The following CD109 variants were observed in gnomAD, a reference collection of about 807,000 sequenced individuals.
The protein encoded by CD109 is CD109 antigen.
A neutral mutation model predicts 165.8 loss-of-function variants in CD109; 149 were observed. The observed-to-expected ratio is 0.90, with a 90% confidence interval of 0.79 to 1.03. The LOEUF is 1.03. CD109 is among the 50% of genes least tolerant of loss of function. CD109 has a pLI of 0.00. For missense variants in CD109, 1,712 were observed against 1,677.8 expected (o/e 1.02, Z -0.36); for synonymous variants, 585 against 592.1 (o/e 0.99, Z 0.18).
chr6:73,683,769 G>A, the CD109 span, among the ~76,000 whole-genome samples: 1 of 152,222 alleles, frequency 6.6e-6, no homozygotes, highest in South Asian at 2.1e-4. Context: ...GCAAGGAGGA[G>A]CAAGTCACAT....
chr6:73,705,250 T>G (rs998626681), intron 2 of CD109, among the ~76,000 whole-genome samples: 1 of 152,172 alleles, frequency 6.6e-6, no homozygotes, highest in Non-Finnish European at 1.5e-5. Flanking sequence ...GACAATATTT[T>G]GAAGTCCTGG....
chr6:73,752,628 G>A (rs1384629485), intron 5 of CD109, among the ~76,000 whole-genome samples: 1 of 152,182 alleles, frequency 6.6e-6, no homozygotes, highest in Non-Finnish European at 1.5e-5. Flanking sequence ...GTTTCTACTG[G>A]ATGTGCTTTG....
At chr6:73,802,340 G>A (rs1458080152) in intron 23 of CD109, among the ~76,000 whole-genome samples, 2 of 130,924 alleles carry the variant, frequency 1.5e-5, no homozygotes, top group African/African-American at 5.8e-5. Flanking sequence ...GTGGAAACAT[G>A]GAATTGGTGG....
intron 10 of CD109, among the ~76,000 whole-genome samples, chr6:73,764,918 C>T (rs1468968887): frequency 6.6e-6 from 1 of 151,402 alleles, no homozygotes; most frequent in East Asian, 1.9e-4. Context: ...TTTCAATGAT[C>T]TTAATTTAGG....
chr6:73,730,587 C>A lies in CD109; in HGVS notation c.507+13C>A. The A allele has an allele frequency of 6.5e-7, 1 of 1,547,708 alleles. No individual in the cohort carries two copies. Among genetic ancestry groups the A allele is most frequent in the Non-Finnish European group, 8.9e-7 (1 of 1,123,000 alleles). On this transcript the variant is annotated intron_variant, in intron 4 of 32. Transcript: ENST00000287097. ...CATTCTCATTAAGGTAAGTGCCAGACAGAAATGAAGCAAGGAATTCTAGCC... is the reference window on the plus strand; with the variant it reads ...CATTCTCATTAAGGTAAGTGCCAGAAAGAAATGAAGCAAGGAATTCTAGCC...
chr6:73,696,063 A>C (rs754263417), upstream of CD109: 3 of 673,246 alleles, frequency 4.5e-6, no homozygotes, highest in Non-Finnish European at 7.7e-6. Context: ...GTCTCAATTT[A>C]GATCTCTCAC....
chr6:73,771,654 A>T, intron 15 of CD109, 73 bp downstream of exon 15: 1 of 1,046,910 alleles, frequency 9.6e-7, no homozygotes, highest in Non-Finnish European at 1.3e-6. Flanking sequence ...GTACTACTTT[A>T]AATATTTAAA....
the CD109 span, among the ~76,000 whole-genome samples, chr6:73,690,721 T>C: frequency 6.6e-6 from 1 of 152,176 alleles, no homozygotes; most frequent in East Asian, 1.9e-4. Flanking sequence ...ACATTTTATT[T>C]AAAAAAGGTT....
intron 3 of CD109, among the ~76,000 whole-genome samples, chr6:73,728,551 A>C (rs1051554728): frequency 6.6e-6 from 1 of 152,190 alleles, no homozygotes; most frequent in African/African-American, 2.4e-5. Context: ...CCATCTTTCT[A>C]TCCATCCATT....
In CD109 at chr6:73,826,926, C is replaced by G. The variant is rs1398951857; in HGVS notation, c.*3293C>G. ...TATGCTAAACATATTTATAAGTAGT[C>G]TGTCAATATAATACCAACTATTTTT... On this transcript the variant is annotated 3_prime_UTR_variant, in exon 33 of 33. Transcript: ENST00000287097. The G allele has an allele frequency of 6.7e-6, 1 of 149,958 alleles. No homozygotes were observed. The highest frequency in any genetic ancestry group is 2.5e-5 in the African/African-American group (1 of 40,624). 9.3% of individuals were successfully genotyped at this position (149,958 alleles called of 1,614,324 possible). A position where few individuals can be genotyped will look rare whatever the true frequency, so the allele number is the denominator to read the frequency against.
intron 5 of CD109, among the ~76,000 whole-genome samples, chr6:73,742,059 A>G (rs1772806286): frequency 6.6e-6 from 1 of 152,202 alleles, no homozygotes; most frequent in Admixed American, 6.5e-5. Context: ...TTAAGTGTAC[A>G]GTTCAGTGGT....
intron 3 of CD109, among the ~76,000 whole-genome samples, chr6:73,727,639 T>C (rs1772191517): frequency 6.6e-6 from 1 of 152,206 alleles, no homozygotes; most frequent in African/African-American, 2.4e-5. Flanking sequence ...TTGTGGTTAA[T>C]AGGCTTCTTT....
intron 9 of CD109, among the ~76,000 whole-genome samples, chr6:73,763,211 G>C (rs545189531): frequency 6.6e-6 from 1 of 152,084 alleles, no homozygotes; most frequent in Non-Finnish European, 1.5e-5. Flanking sequence ...AATCTCAGCT[G>C]TTCCTAGACA....
chr6:73,729,877 A>T (rs1426994870), intron 3 of CD109, among the ~76,000 whole-genome samples: 25 of 152,140 alleles, frequency 1.6e-4, no homozygotes, highest in Admixed American at 1.6e-3. Flanking sequence ...CAAGACTATG[A>T]CACATATGCG....
chr6:73,767,012 T>C lies in CD109; in HGVS notation c.1497+2T>C. 2 of 1,608,902 alleles carry C rather than the reference T, an allele frequency of 1.2e-6. No homozygotes were observed. Among genetic ancestry groups the C allele is most frequent in the Non-Finnish European group, 1.7e-6 (2 of 1,175,758 alleles). On this transcript the variant is annotated splice_donor_variant, in intron 13 of 32. Coordinates refer to ENST00000287097, the MANE Select transcript of CD109 (RefSeq NM_133493.5). LOFTEE classifies it high-confidence loss of function. ...CGATTGAAGGAGTTAAGCTATATGG[T>C]AATCTCTTATAGAATCTAAATTTAT...
intron 17 of CD109, among the ~76,000 whole-genome samples, chr6:73,781,836 C>CACACACACACACACACACACACACACA (rs386359122): frequency 1.1e-3 from 67 of 62,154 alleles, no homozygotes; most frequent in East Asian, 0.01. Flanking sequence ...CACACACACA[C>CACACACACACACACACACACACACACA]CCCTCATCAA....
chr6:73,787,093 C>T (rs1774725580), intron 20 of CD109, 141 bp from the exon 21 acceptor site: 4 of 599,500 alleles, frequency 6.7e-6, no homozygotes, highest in Non-Finnish European at 1.2e-5. Flanking sequence ...CTCTTTGATA[C>T]TCTCCTTGGT....
chr6:73,764,832 A>G (rs1224615131), intron 10 of CD109, among the ~76,000 whole-genome samples: 1 of 151,754 alleles, frequency 6.6e-6, no homozygotes, highest in Non-Finnish European at 1.5e-5. Flanking sequence ...AAAAAAAAAA[A>G]ACAACTAAAA....
intron 14 of CD109, 98 bp downstream of exon 14, chr6:73,768,329 G>A: frequency 1.4e-6 from 1 of 709,058 alleles, no homozygotes; most frequent in Non-Finnish European, 2.3e-6. Flanking sequence ...AGCCAAACTG[G>A]TTAGAAATTT....
Sources: allele counts gnomAD v4.1 joint callset (sites outside exome capture counted in the v4.1 genomes callset), GRCh38; gene constraint gnomAD v4.1.1; transcripts MANE v1.5; gene names NCBI Gene and HGNC (gene_info 2026-07-23, HGNC 2026-07-21).